The following SIDT1 variants were observed in gnomAD, a reference collection of about 807,000 sequenced individuals.
SIDT1 encodes the protein SID1 transmembrane family, member 1.
SIDT1 carries 101 observed loss-of-function variants against 107.5 expected under a neutral mutation model. The ratio of observed to expected loss-of-function variants is 0.94; its 90% CI spans 0.80 to 1.11. The LOEUF is 1.11. SIDT1 is among the 50% of genes least tolerant of loss of function. The probability of loss-of-function intolerance (pLI) is 0.00; values close to 1 mark genes in which losing one functional copy is unlikely to be tolerated. For synonymous variants in SIDT1, 395 were observed against 398.2 expected (o/e 0.99, Z 0.10); for missense variants, 1,076 against 1,058.2 (o/e 1.02, Z -0.23).
At chr3:113,591,935 C>T (rs563453836) in intron 9 of SIDT1, among the ~76,000 whole-genome samples, 12 of 152,164 alleles carry the variant, frequency 7.9e-5, no homozygotes, top group Admixed American at 4.6e-4. Flanking sequence ...GTGGTCTATC[C>T]GTACAATGGA....
At chr3:113,580,583 A>C in intron 4 of SIDT1, 25 bp from the exon 5 acceptor site, 1 of 1,381,944 alleles carries the variant, frequency 7.2e-7, no homozygotes, top group Non-Finnish European at 1.0e-6. Flanking sequence ...AATATAAATC[A>C]TGTCTTTCTT....
At chr3:113,611,977 A>C in intron 18 of SIDT1, 109 bp from the exon 19 acceptor site, 13 of 707,378 alleles carry the variant, frequency 1.8e-5, no homozygotes, top group East Asian at 2.7e-5. Context: ...GAAAAATAGA[A>C]TGTGCACACA....
In SIDT1 at chr3:113,583,456, G is replaced by A; in HGVS notation, c.795G>A (p.Lys265=). 6.2e-7 allele frequency: 1 copy of A among 1,600,798 alleles called. No homozygotes were observed. The highest frequency in any genetic ancestry group is 8.5e-7 in the Non-Finnish European group (1 of 1,170,720). Residue 265 remains lysine (K), a synonymous_variant, in exon 7 of 25, where the codon AAG becomes AAA. Coordinates refer to ENST00000264852, the MANE Select transcript of SIDT1 (RefSeq NM_017699.3). The part of the protein sequence containing the change: ...GEQFFVVFVI[K]PEDYACGGSF... Reference sequence around the variant, plus strand: ...AGTTCTTCGTGGTATTTGTGATAAAGCCTGAAGATTATGCCTGTGGAGGAT... The same window carrying A: ...AGTTCTTCGTGGTATTTGTGATAAAACCTGAAGATTATGCCTGTGGAGGAT...
chr3:113,626,872 T>TCCCGGGCTCCAGACCTACTAGATG (rs1946888894), intron 24 of SIDT1, among the ~76,000 whole-genome samples: 1 of 152,136 alleles, frequency 6.6e-6, no homozygotes, highest in African/African-American at 2.4e-5. Flanking sequence ...CCTACTAGAC[T>TCCCGGGCTCCAGACCTACTAGATG]CCCGGGCTCC....
rs1034011514 is a variant in SIDT1 at position 113,619,687 on chromosome 3, T to C, written c.2051T>C (p.Met684Thr). Reference sequence around the variant, plus strand: ...TTCTTTCCTCTTTTCCAGGATAGAATGGTGTTGCTGGTTGTGGGGAATCTG... The same window carrying C: ...TTCTTTCCTCTTTTCCAGGATAGAACGGTGTTGCTGGTTGTGGGGAATCTG... ...QCSRPLYMDRMVLLVVGNLVN... is the reference protein window; with the variant it reads ...QCSRPLYMDRTVLLVVGNLVN... The change falls in exon 21 of 25, where the codon ATG becomes ACG. Residue 684 changes from methionine (M) to threonine (T), a missense_variant. Physicochemically the swap from Met to Thr is moderately conservative, Grantham distance 81 (BLOSUM62 -1). Coordinates refer to ENST00000264852, the MANE Select transcript of SIDT1 (RefSeq NM_017699.3). The C allele has an allele frequency of 3.2e-5, 51 of 1,613,986 alleles. 1 individual carries two copies. In the East Asian group the frequency reaches 1.1e-3, roughly 34 times the overall value.
intron 10 of SIDT1, among the ~76,000 whole-genome samples, chr3:113,598,962 A>G (rs1944765397): frequency 6.6e-6 from 1 of 152,136 alleles, no homozygotes; most frequent in African/African-American, 2.4e-5. Context: ...TTCTGTCTCT[A>G]CAAATAATTT....
Position 113,601,650 on chromosome 3 carries a change from G to A in SIDT1, c.1108G>A (p.Gly370Arg), listed in dbSNP as rs149654231. The A allele has an allele frequency of 1.2e-4, 196 of 1,611,240 alleles. No individual in the cohort carries two copies. The highest frequency in any genetic ancestry group is 1.5e-4 in the Non-Finnish European group (177 of 1,177,556). Residue 370 changes from glycine to arginine, a missense_variant, in exon 11 of 25, where the codon GGG becomes AGG. By Grantham distance (125) the Gly-to-Arg change is moderately radical. Transcript: ENST00000264852. The stretch of plus-strand genomic sequence containing the variant: ...CAGCACACCCGAAGGGAGCAATTAT[G>A]GGACAATAGGTATGTCCTACCAGGT... Reference protein sequence around the residue: ...AASTPEGSNYGTIDESSSSPG... With the variant: ...AASTPEGSNYRTIDESSSSPG...
At chr3:113,617,079 T>C (rs1476533337) in intron 20 of SIDT1, among the ~76,000 whole-genome samples, 1 of 152,142 alleles carries the variant, frequency 6.6e-6, no homozygotes, top group Non-Finnish European at 1.5e-5. Context: ...TTATAAATAA[T>C]CATCCAAAGA....
intron 1 of SIDT1, among the ~76,000 whole-genome samples, chr3:113,541,141 C>CAT (rs1317942397): frequency 7.6e-6 from 1 of 132,358 alleles, no homozygotes; most frequent in African/African-American, 3.5e-5. Flanking sequence ...TATACACACA[C>CAT]ATACACACAC....
chr3:113,552,564 G>A (rs929474316), intron 1 of SIDT1, among the ~76,000 whole-genome samples: 3 of 152,064 alleles, frequency 2.0e-5, no homozygotes, highest in Admixed American at 6.5e-5. Context: ...ACAACATTTC[G>A]GGACCAAGGG....
rs147948601 is a variant in SIDT1 at position 113,627,683 on chromosome 3, G to A, written c.2459G>A (p.Arg820Gln). 28 of 1,613,652 alleles carry A rather than the reference G, an allele frequency of 1.7e-5. No homozygotes were observed. The highest frequency in any genetic ancestry group is 5.0e-5 in the Admixed American group (3 of 59,994). ...TTGGATGATGACCTTGATGTGGTTC[G>A]GAGAGACCAGATCCCTGTCTTCTGA... ...LTLDDDLDVV[R>Q]RDQIPVF Residue 820 changes from arginine (R) to glutamine (Q), a missense_variant, in exon 25 of 25, where the codon CGG becomes CAG. Physicochemically the swap from Arg to Gln is conservative, Grantham distance 43. Coordinates refer to ENST00000264852, the MANE Select transcript of SIDT1 (RefSeq NM_017699.3).
intron 3 of SIDT1, among the ~76,000 whole-genome samples, chr3:113,575,128 C>T (rs1327030260): frequency 6.6e-6 from 1 of 152,156 alleles, no homozygotes; most frequent in African/African-American, 2.4e-5. Flanking sequence ...CAAGAAAAAA[C>T]AGAAAGTGAA....
chr3:113,626,049 T>C, intron 23 of SIDT1, 53 bp from the exon 24 acceptor site: 17 of 1,243,718 alleles, frequency 1.4e-5, no homozygotes, highest in Middle Eastern at 1.9e-4. Flanking sequence ...TTCAACTCTT[T>C]GAACAGTTGA....
intron 4 of SIDT1, among the ~76,000 whole-genome samples, chr3:113,578,107 CTA>C (rs1274523592): frequency 6.6e-6 from 1 of 152,176 alleles, no homozygotes; most frequent in Non-Finnish European, 1.5e-5. Flanking sequence ...TATTTATTGA[CTA>C]TTTAATTTCA....
chr3:113,595,009 T>C (rs746674707), intron 10 of SIDT1: 4 of 154,234 alleles, frequency 2.6e-5, no homozygotes, highest in East Asian at 1.9e-4. Flanking sequence ...CAACTTCTTG[T>C]GTTTCATTGG....
At chr3:113,580,066 T>C (rs1473545029) in intron 4 of SIDT1, among the ~76,000 whole-genome samples, 1 of 152,238 alleles carries the variant, frequency 6.6e-6, no homozygotes, top group Non-Finnish European at 1.5e-5. Flanking sequence ...TGAATCTCTG[T>C]ATGTTCTCAC....
intron 9 of SIDT1, among the ~76,000 whole-genome samples, chr3:113,587,394 C>G (rs1195413529): frequency 6.6e-6 from 1 of 152,166 alleles, no homozygotes; most frequent in Non-Finnish European, 1.5e-5. Context: ...AAACCCCAGG[C>G]TACAGGTGAA....
intron 1 of SIDT1, among the ~76,000 whole-genome samples, chr3:113,549,713 G>C (rs1939999179): frequency 6.6e-6 from 1 of 151,980 alleles, no homozygotes; most frequent in Non-Finnish European, 1.5e-5. Flanking sequence ...CATTTTCTTA[G>C]TAGTATCTTA....
At chr3:113,593,347 G>A (rs1944315920) in intron 10 of SIDT1, among the ~76,000 whole-genome samples, 2 of 152,158 alleles carry the variant, frequency 1.3e-5, no homozygotes, top group South Asian at 4.1e-4. Context: ...CTCCACCTCC[G>A]CTCAGATCAG....
Sources: allele counts gnomAD v4.1 joint callset (sites outside exome capture counted in the v4.1 genomes callset), GRCh38; gene constraint gnomAD v4.1.1; transcripts MANE v1.5; gene names NCBI Gene and HGNC (gene_info 2026-07-23, HGNC 2026-07-21).